Variants in CFDP1 observed in about 807,000 individuals in gnomAD.
CFDP1 encodes the protein chromatin remodeling protein CFDP1.
In CFDP1, 31 loss-of-function variants were observed where a neutral mutation model predicts 40.1. The ratio of observed to expected loss-of-function variants is 0.77; its 90% CI spans 0.58 to 1.04. The LOEUF (loss-of-function observed/expected upper bound fraction) is 1.04. Among genes scored for constraint, CFDP1 ranks in the 50% least tolerant of loss-of-function variants. The probability of loss-of-function intolerance (pLI) is 0.00; values close to 1 mark genes in which losing one functional copy is unlikely to be tolerated. For synonymous variants in CFDP1, 167 were observed against 120.0 expected (o/e 1.39, Z -2.56); for missense variants, 423 against 343.4 (o/e 1.23, Z -1.83).
intron 5 of CFDP1, among the ~76,000 whole-genome samples, chr16:75,366,398 T>C (rs2078713889): frequency 6.6e-6 from 1 of 152,112 alleles, no homozygotes; most frequent in South Asian, 2.1e-4. Context: ...TTCAGCACTT[T>C]GGGAGGCTGA....
intron 5 of CFDP1, among the ~76,000 whole-genome samples, chr16:75,318,592 G>T (rs956125909): frequency 6.6e-6 from 1 of 151,970 alleles, no homozygotes; most frequent in Non-Finnish European, 1.5e-5. Context: ...TTTTAGTAGA[G>T]ACTGGGTTTC....
At chr16:75,358,751 GAC>G (rs1188758037) in intron 5 of CFDP1, among the ~76,000 whole-genome samples, 12 of 152,096 alleles carry the variant, frequency 7.9e-5, no homozygotes, top group Non-Finnish European at 1.5e-4. Flanking sequence ...TCCAAGACCT[GAC>G]AGTATCTGCT....
intron 5 of CFDP1, among the ~76,000 whole-genome samples, chr16:75,362,699 T>C (rs1245464420): frequency 6.6e-6 from 1 of 152,138 alleles, no homozygotes; most frequent in Non-Finnish European, 1.5e-5. Context: ...TTCTATTTCC[T>C]AAGAGGGAAA....
At chr16:75,373,251 A>G (rs1217047553) in intron 5 of CFDP1, among the ~76,000 whole-genome samples, 3 of 152,270 alleles carry the variant, frequency 2.0e-5, no homozygotes, top group Admixed American at 2.0e-4. Flanking sequence ...ACACTTACAC[A>G]CACAGATGTT....
intron 1 of CFDP1, among the ~76,000 whole-genome samples, chr16:75,416,643 T>C (rs1271694152): frequency 6.6e-6 from 1 of 151,896 alleles, no homozygotes; most frequent in African/African-American, 2.4e-5. Context: ...ACCTCTAGTC[T>C]AAGCTGAGGC....
At chr16:75,426,951 A>G (rs2079349012) in intron 1 of CFDP1, among the ~76,000 whole-genome samples, 1 of 151,670 alleles carries the variant, frequency 6.6e-6, no homozygotes, top group African/African-American at 2.4e-5. Flanking sequence ...CCTACTTGGG[A>G]GGCTGAGGCA....
At chr16:75,352,630 TTAAC>T (rs1390117110) in intron 5 of CFDP1, among the ~76,000 whole-genome samples, 1 of 152,216 alleles carries the variant, frequency 6.6e-6, no homozygotes, top group Non-Finnish European at 1.5e-5. Flanking sequence ...ATTCAGAACT[TTAAC>T]TATGGTTTGA....
At chr16:75,323,654 C>G (rs1343012759) in intron 5 of CFDP1, among the ~76,000 whole-genome samples, 1 of 151,972 alleles carries the variant, frequency 6.6e-6, no homozygotes, top group Non-Finnish European at 1.5e-5. Flanking sequence ...TGGAGCGTGC[C>G]TGTAATCCCA....
intron 6 of CFDP1, among the ~76,000 whole-genome samples, chr16:75,302,414 C>T (rs183428150): frequency 6.6e-6 from 1 of 152,188 alleles, no homozygotes; most frequent in South Asian, 2.1e-4. Flanking sequence ...GTGTGCACCA[C>T]GTCCAACTAA....
intron 5 of CFDP1, among the ~76,000 whole-genome samples, chr16:75,389,898 T>G (rs1328745929): frequency 6.6e-6 from 1 of 152,226 alleles, no homozygotes; most frequent in African/African-American, 2.4e-5. Flanking sequence ...TAAAGCTTTT[T>G]GAGATGCATT....
chr16:75,326,206 T>C (rs1597332693), intron 5 of CFDP1, among the ~76,000 whole-genome samples: 1 of 152,292 alleles, frequency 6.6e-6, no homozygotes, highest in South Asian at 2.1e-4. Context: ...CAAATGAGTT[T>C]TTCCCCTTGA....
Position 75,349,680 on chromosome 16 carries a change from A to ATATATATATATATATAT in CFDP1, c.651-44499_651-44498insATATATATATATATATA, listed in dbSNP as rs59380218. Among the ~76,000 whole-genome samples the ATATATATATATATATAT allele has an allele frequency of 6.3e-3, 42 of 6,668 alleles. 1 individual carries two copies. The highest frequency in any genetic ancestry group is 0.1 in the Middle Eastern group (1 of 10). 4.4% of individuals were successfully genotyped at this position (6,668 alleles called of 152,430 possible). On this transcript the variant is annotated intron_variant, in intron 5 of 6. Transcript: ENST00000283882. ...AAAAAAAAAAAAAAAAAAAAAAAAAAAAAAAAAAAAATATATATACATACA... is the reference window on the plus strand; with the variant it reads ...AAAAAAAAAAAAAAAAAAAAAAAAAATATATATATATATATATAAAAAAAAAAATATATATACATACA...
chr16:75,318,128 G>C (rs1476802778), intron 5 of CFDP1, among the ~76,000 whole-genome samples: 1 of 151,938 alleles, frequency 6.6e-6, no homozygotes, highest in African/African-American at 2.4e-5. Context: ...GACAGAGTGA[G>C]ACTCCGTATC....
At chr16:75,296,353 T>G (rs1435355103) in intron 6 of CFDP1, among the ~76,000 whole-genome samples, 2 of 152,152 alleles carry the variant, frequency 1.3e-5, no homozygotes, top group East Asian at 1.9e-4. Context: ...TCCTCCTGCT[T>G]CAGCCTCTCA....
Position 75,395,124 on chromosome 16 carries a change from G to A in CFDP1, c.616C>T (p.Pro206Ser). Residue 206 changes from proline to serine, a missense_variant, in exon 5 of 7, where the codon CCT (proline) becomes TCT (serine). Coordinates refer to ENST00000283882, the MANE Select transcript of CFDP1 (RefSeq NM_006324.3). ...GCAGGGAGTGATGGCAGAGCTGAAGGAACATTAGCCTGTGGTTTTTCTTTC... is the reference window on the plus strand; with the variant it reads ...GCAGGGAGTGATGGCAGAGCTGAAGAAACATTAGCCTGTGGTTTTTCTTTC... Reference protein sequence around the residue: ...NEKEKPQANVPSALPSLPAGS... With the variant: ...NEKEKPQANVSSALPSLPAGS... 1 of 1,613,938 alleles carries A rather than the reference G, an allele frequency of 6.2e-7. No individual in the cohort carries two copies. Among genetic ancestry groups the A allele is most frequent in the Admixed American group, 1.7e-5 (1 of 60,004 alleles).
chr16:75,367,243 A>G (rs2078720992), intron 5 of CFDP1, among the ~76,000 whole-genome samples: 1 of 151,856 alleles, frequency 6.6e-6, no homozygotes, highest in Non-Finnish European at 1.5e-5. Context: ...GGTATGATAA[A>G]TCCCCACCAC....
At position 75,359,166 on chromosome 16, in the gene CFDP1, G is replaced by T. The variant is rs192396121; in HGVS notation, c.650+35924C>A. On this transcript the variant is annotated intron_variant, in intron 5 of 6. Transcript: ENST00000283882. ...ACTCCAGCTATCTTCGATTAAGCGA[G>T]ATATTAAAGAAATTTACAAAATCAT... 1.6e-3 allele frequency among the ~76,000 whole-genome samples: 250 copies of T among 152,242 alleles called. 1 individual carries two copies. Among genetic ancestry groups the T allele is most frequent in the Admixed American group, 9.5e-3 (146 of 15,288 alleles).
chr16:75,407,571 T>C (rs1044576933), intron 4 of CFDP1, among the ~76,000 whole-genome samples: 3 of 148,382 alleles, frequency 2.0e-5, no homozygotes, highest in African/African-American at 7.4e-5. Flanking sequence ...CTCCAGTTAC[T>C]CAGGAGGCTG....
At chr16:75,403,374 A>G (rs373142124) in intron 4 of CFDP1, among the ~76,000 whole-genome samples, 1 of 152,100 alleles carries the variant, frequency 6.6e-6, no homozygotes, top group South Asian at 2.1e-4. Flanking sequence ...ACACACCACA[A>G]TGACTGGCTA....
Sources: gnomAD v4.1 joint callset for allele counts (sites outside exome capture counted in the v4.1 genomes callset) on GRCh38, gnomAD v4.1.1 for gene constraint, MANE v1.5 for transcripts, NCBI Gene and HGNC (gene_info 2026-07-23, HGNC 2026-07-21) for gene names.